The following KAZN variants were observed in gnomAD, a reference collection of about 807,000 sequenced individuals.
KAZN encodes kazrin.
Under a neutral mutation model 87.4 loss-of-function variants are expected in KAZN, and 40 were observed. The ratio of observed to expected loss-of-function variants is 0.46; its 90% CI spans 0.36 to 0.60. The LOEUF is 0.60. KAZN is among the 20% of genes least tolerant of loss of function. The pLI is 0.00. For synonymous variants in KAZN, 466 were observed against 458.3 expected (o/e 1.02, Z -0.22); for missense variants, 898 against 1,073.9 (o/e 0.84, Z 2.29).
At chr1:14,579,301 C>A (rs1479537061) in intron 2 of KAZN, among the ~76,000 whole-genome samples, 2 of 152,128 alleles carry the variant, frequency 1.3e-5, no homozygotes, top group Admixed American at 6.5e-5. Context: ...TTCTGACACC[C>A]ATTAATGCCC....
At chr1:14,448,734 G>A (rs1018092881) in intron 2 of KAZN, among the ~76,000 whole-genome samples, 1 of 152,184 alleles carries the variant, frequency 6.6e-6, no homozygotes, top group Admixed American at 6.5e-5. Context: ...ACACGGAGTT[G>A]GGCGAGGGCA....
intron 2 of KAZN, among the ~76,000 whole-genome samples, chr1:14,985,305 G>GGCC (rs780872037): frequency 9.1e-5 from 13 of 142,370 alleles, no homozygotes; most frequent in African/African-American, 2.1e-4. Context: ...CAAGGTGGGA[G>GGCC]AATCACATGA....
At chr1:15,109,795 A>ATG (rs148534142) in intron 13 of KAZN, among the ~76,000 whole-genome samples, 22 of 148,916 alleles carry the variant, frequency 1.5e-4, no homozygotes, top group Admixed American at 3.3e-4. Context: ...GTTTGTGTGT[A>ATG]TGTGTATGTG....
At chr1:13,954,432 G>T (rs1279849065) in intron 1 of KAZN, among the ~76,000 whole-genome samples, 1 of 152,218 alleles carries the variant, frequency 6.6e-6, no homozygotes, top group African/African-American at 2.4e-5. Context: ...ATGTGATGGG[G>T]TTGCTGTTTT....
intron 2 of KAZN, among the ~76,000 whole-genome samples, chr1:14,387,227 A>T (rs1245689759): frequency 6.6e-6 from 1 of 152,104 alleles, no homozygotes; most frequent in East Asian, 1.9e-4. Context: ...AATTTTTTTC[A>T]AAGTTTTCAA....
intron 1 of KAZN, among the ~76,000 whole-genome samples, chr1:14,749,473 A>C (rs141199566): frequency 6.6e-6 from 1 of 152,320 alleles, no homozygotes; most frequent in East Asian, 1.9e-4. Context: ...CTCCTTCAGG[A>C]GAGGGCTTCA....
intron 2 of KAZN, among the ~76,000 whole-genome samples, chr1:14,975,867 TAAA>T (rs962581605): frequency 3.3e-5 from 5 of 151,962 alleles, no homozygotes; most frequent in Admixed American, 1.3e-4. Context: ...CCGTCTCTAC[TAAA>T]AATACAAAAA....
In KAZN at chr1:15,077,693, G is replaced by C. The variant is rs1213674198; in HGVS notation, c.1222+11940G>C. On this transcript the variant is annotated intron_variant, in intron 8 of 14. Coordinates refer to ENST00000376030, the MANE Select transcript of KAZN (RefSeq NM_201628.3). The surrounding 1 kb of genome is among the most constrained non-coding windows in gnomAD (Gnocchi z 4.8). ...CACCTTCAGGTGAAGATGTTGATGGGCCTGACAATAGGGTGACTCCGTATT... is the reference window on the plus strand; with the variant it reads ...CACCTTCAGGTGAAGATGTTGATGGCCCTGACAATAGGGTGACTCCGTATT... Among the ~76,000 whole-genome samples the C allele has an allele frequency of 6.6e-6, 1 of 152,138 alleles. No individual in the cohort carries two copies. Among genetic ancestry groups the C allele is most frequent in the African/African-American group, 2.4e-5 (1 of 41,420 alleles).
Position 15,021,026 on chromosome 1 carries a change from G to A in KAZN, c.419-13723G>A, listed in dbSNP as rs1670615267. Among the ~76,000 whole-genome samples the A allele has an allele frequency of 6.6e-6, 1 of 152,186 alleles. No individual in the cohort carries two copies. Among genetic ancestry groups the A allele is most frequent in the South Asian group, 2.1e-4 (1 of 4,816 alleles). Reference sequence around the variant, plus strand: ...AACCCTGCTGTGTCTCTGTTACGCAGCAGGGGTGAGACCAGTCCATATCAC... The same window carrying A: ...AACCCTGCTGTGTCTCTGTTACGCAACAGGGGTGAGACCAGTCCATATCAC... On this transcript the variant is annotated intron_variant, in intron 2 of 14. Transcript: ENST00000376030. This position sits in a 1 kb window ranked among gnomAD's most constrained non-coding sequence, Gnocchi z 4.2.
intron 1 of KAZN, among the ~76,000 whole-genome samples, chr1:14,649,207 G>A (rs1435222993): frequency 1.3e-5 from 2 of 152,346 alleles, no homozygotes; most frequent in East Asian, 1.9e-4. Flanking sequence ...TGATGGCTAA[G>A]GAGCTCTGAT....
intron 8 of KAZN, among the ~76,000 whole-genome samples, chr1:15,091,640 G>A (rs774024930): frequency 4.6e-5 from 7 of 152,090 alleles, no homozygotes; most frequent in Non-Finnish European, 7.4e-5. Context: ...CACCGCACCC[G>A]GCCGTGTTTT....
At chr1:15,110,920 G>A (rs1211770913) in intron 13 of KAZN, among the ~76,000 whole-genome samples, 2 of 152,206 alleles carry the variant, frequency 1.3e-5, no homozygotes, top group East Asian at 1.9e-4. Context: ...AAGAGCTGGG[G>A]GATCCAGCAC....
chr1:14,817,979 A>C (rs1318236952), intron 1 of KAZN, among the ~76,000 whole-genome samples: 3 of 152,236 alleles, frequency 2.0e-5, no homozygotes, highest in African/African-American at 7.2e-5. Flanking sequence ...TTTTGCTCAT[A>C]CACAGCTGTT....
At chr1:14,883,371 G>GA (rs1438045723) in intron 1 of KAZN, among the ~76,000 whole-genome samples, 1 of 93,644 alleles carries the variant, frequency 1.1e-5, no homozygotes. Flanking sequence ...AAGAAAGAAA[G>GA]AAAGAAAGAA....
chr1:14,808,435 T>C (rs1646295273), intron 1 of KAZN, among the ~76,000 whole-genome samples: 1 of 151,756 alleles, frequency 6.6e-6, no homozygotes, highest in Admixed American at 6.6e-5. Flanking sequence ...TAGATGGTAT[T>C]ACAGGCAAGT....
chr1:14,313,331 T>C (rs1332574840), intron 2 of KAZN, among the ~76,000 whole-genome samples: 1 of 152,194 alleles, frequency 6.6e-6, no homozygotes, highest in African/African-American at 2.4e-5. Context: ...TTGTCTCTGA[T>C]TTCTCACTGG....
intron 2 of KAZN, among the ~76,000 whole-genome samples, chr1:14,437,871 A>T (rs145061406): frequency 9.3e-4 from 142 of 152,260 alleles, no homozygotes; most frequent in African/African-American, 2.8e-3. Flanking sequence ...GAAAATGAGA[A>T]AGAAAAAGGA....
Position 14,996,064 on chromosome 1 carries a change from G to A in KAZN, c.418+35189G>A, listed in dbSNP as rs1667834333. Among the ~76,000 whole-genome samples, 1 of 152,092 alleles carries A rather than the reference G, an allele frequency of 6.6e-6. No individual in the cohort carries two copies. The highest frequency in any genetic ancestry group is 2.1e-4 in the South Asian group (1 of 4,816). On this transcript the variant is annotated intron_variant, in intron 2 of 14. Transcript: ENST00000376030. The surrounding 1 kb of genome is among the most constrained non-coding windows in gnomAD (Gnocchi z 5.9). ...AGCCCGCGGCCCTCTGTAGCCCCCA[G>A]CCCCTTCTGCCTCTGGAGAGGGTCC...
intron 2 of KAZN, among the ~76,000 whole-genome samples, chr1:14,348,051 A>ATTCT (rs1658242443): frequency 8.5e-6 from 1 of 117,870 alleles, no homozygotes; most frequent in Non-Finnish European, 1.7e-5. Context: ...CACCTGGCTA[A>ATTCT]TTTTTTTTTT....
Sources: gnomAD v4.1 joint callset for allele counts (sites outside exome capture counted in the v4.1 genomes callset) on GRCh38, gnomAD v4.1.1 for gene constraint, Gnocchi (gnomAD v3.1) non-coding constraint, MANE v1.5 for transcripts, NCBI Gene and HGNC (gene_info 2026-07-23, HGNC 2026-07-21) for gene names.